RBFOX1: variants seen among roughly 807,000 people sequenced by gnomAD.
The protein encoded by RBFOX1 is RNA binding protein fox-1 homolog 1.
In RBFOX1, 8 loss-of-function variants were observed where a neutral mutation model predicts 57.7. The observed-to-expected ratio is 0.14, with a 90% CI of 0.08 to 0.25. The LOEUF (loss-of-function observed/expected upper bound fraction) is 0.25. Ranked by LOEUF, RBFOX1 falls within the 10% of genes least tolerant of loss-of-function variation. The pLI is 1.00. For synonymous variants in RBFOX1, 326 were observed against 222.4 expected (o/e 1.47, Z -4.15); for missense variants, 611 against 548.5 (o/e 1.11, Z -1.14).
chr16:7,466,441 A>G (rs762689452), intron 4 of RBFOX1, among the ~76,000 whole-genome samples: 23 of 152,202 alleles, frequency 1.5e-4, no homozygotes, highest in Admixed American at 1.2e-3. Flanking sequence ...AAGGATAAGA[A>G]AAGAGGGGCT....
chr16:5,977,359 G>T (rs2060086221), intron 4 of RBFOX1, among the ~76,000 whole-genome samples: 1 of 152,140 alleles, frequency 6.6e-6, no homozygotes, highest in Non-Finnish European at 1.5e-5. Context: ...TCTCTCCAGA[G>T]ACCGCTCCCT....
intron 4 of RBFOX1, among the ~76,000 whole-genome samples, chr16:7,424,798 C>A (rs909334156): frequency 6.6e-6 from 1 of 152,160 alleles, no homozygotes; most frequent in Non-Finnish European, 1.5e-5. Context: ...GAAACAATCA[C>A]ATAATCACCT....
At chr16:7,494,351 G>A (rs775323242) in intron 4 of RBFOX1, among the ~76,000 whole-genome samples, 15 of 152,048 alleles carry the variant, frequency 9.9e-5, no homozygotes, top group Admixed American at 3.9e-4. Flanking sequence ...TACCATTGGC[G>A]GCTAGTGTGT....
intron 5 of RBFOX1, among the ~76,000 whole-genome samples, chr16:7,529,260 C>G (rs988033169): frequency 1.1e-4 from 16 of 152,150 alleles, no homozygotes; most frequent in African/African-American, 3.6e-4. Flanking sequence ...GACTCTGTCT[C>G]AAAAACAACA....
chr16:6,572,437 G>A (rs2097357406), intron 2 of RBFOX1, among the ~76,000 whole-genome samples: 1 of 152,166 alleles, frequency 6.6e-6, no homozygotes, highest in Non-Finnish European at 1.5e-5. Flanking sequence ...TCTAACCTTT[G>A]TTGGGCTCTT....
At chr16:7,134,363 C>G (rs572151701) in intron 4 of RBFOX1, among the ~76,000 whole-genome samples, 1 of 152,136 alleles carries the variant, frequency 6.6e-6, no homozygotes. Context: ...CCGTCAAAGA[C>G]TTTAACATCG....
At chr16:6,617,388 C>T (rs189317517) in intron 2 of RBFOX1, among the ~76,000 whole-genome samples, 2 of 152,068 alleles carry the variant, frequency 1.3e-5, no homozygotes, top group Non-Finnish European at 2.9e-5. Flanking sequence ...CATGGATGTC[C>T]AGCTAGGAAT....
rs140697307 is a variant in RBFOX1 at position 6,761,110 on chromosome 16, A to T, written c.-16+106460A>T. On this transcript the variant is annotated intron_variant, in intron 3 of 15. Coordinates refer to ENST00000550418, the MANE Select transcript of RBFOX1 (RefSeq NM_018723.4). ...GCTATCATTAAAAATTAGCACAATC[A>T]CGACTGACAATGCCTTAGAAATTTT... 9.2e-5 allele frequency among the ~76,000 whole-genome samples: 14 copies of T among 152,296 alleles called. No homozygotes were observed. In the East Asian group the frequency reaches 2.7e-3, roughly 29 times the overall value.
chr16:6,767,923 T>TAAG (rs1451360179), intron 3 of RBFOX1, among the ~76,000 whole-genome samples: 68 of 70,466 alleles, frequency 9.7e-4, no homozygotes, highest in African/African-American at 4.4e-3. Flanking sequence ...TCAATAATAA[T>TAAG]AATAATAATA....
chr16:7,182,869 A>ATT (rs2082998934), intron 4 of RBFOX1, among the ~76,000 whole-genome samples: 1 of 152,098 alleles, frequency 6.6e-6, no homozygotes, highest in Admixed American at 6.5e-5. Flanking sequence ...CTCAACTTCT[A>ATT]TGTCTTCCAA....
intron 1 of RBFOX1, among the ~76,000 whole-genome samples, chr16:5,381,129 A>G (rs1375920399): frequency 6.6e-6 from 1 of 152,180 alleles, no homozygotes; most frequent in Non-Finnish European, 1.5e-5. Context: ...AGGAAGAGGG[A>G]CTGAGGAATC....
chr16:6,551,132 A>T (rs2096982337), intron 2 of RBFOX1, among the ~76,000 whole-genome samples: 1 of 151,834 alleles, frequency 6.6e-6, no homozygotes, highest in Non-Finnish European at 1.5e-5. Flanking sequence ...ACTCTCTGAG[A>T]TTAACACAAA....
At chr16:5,309,525 A>T (rs1010468108) in intron 1 of RBFOX1, among the ~76,000 whole-genome samples, 1 of 152,146 alleles carries the variant, frequency 6.6e-6, no homozygotes, top group African/African-American at 2.4e-5. Flanking sequence ...TTTAATTTTT[A>T]TAAACTTAGG....
rs188803409 is a variant in RBFOX1 at position 6,990,147 on chromosome 16, A to G, written c.-15-61910A>G. Among the ~76,000 whole-genome samples, 855 of 152,328 alleles carry G rather than the reference A, an allele frequency of 5.6e-3. 6 individuals are homozygous for G. Among genetic ancestry groups the G allele is most frequent in the Non-Finnish European group, 5.8e-3 (392 of 68,028 alleles). On this transcript the variant is annotated intron_variant, in intron 3 of 15. Transcript: ENST00000550418. ...CAACTAGTAAACGTGCCCAACACACAGTAGGGATTCAGTAAGTATGTGTTG... is the reference window on the plus strand; with the variant it reads ...CAACTAGTAAACGTGCCCAACACACGGTAGGGATTCAGTAAGTATGTGTTG...
At chr16:6,577,897 A>G (rs768255637) in intron 2 of RBFOX1, among the ~76,000 whole-genome samples, 14 of 152,190 alleles carry the variant, frequency 9.2e-5, no homozygotes, top group Non-Finnish European at 2.1e-4. Flanking sequence ...CGAGGCAATC[A>G]TTTTTTACTG....
At chr16:7,213,210 C>G (rs1280514626) in intron 4 of RBFOX1, among the ~76,000 whole-genome samples, 1 of 152,170 alleles carries the variant, frequency 6.6e-6, no homozygotes, top group Non-Finnish European at 1.5e-5. Context: ...GGAACAATAT[C>G]TGGGGCAGAA....
At chr16:6,339,939 A>G (rs964577595) in intron 2 of RBFOX1, among the ~76,000 whole-genome samples, 3 of 152,088 alleles carry the variant, frequency 2.0e-5, no homozygotes, top group Admixed American at 6.6e-5. Context: ...GTCCTCCTAA[A>G]GTGCTGGGAT....
At chr16:6,779,610 G>A (rs144588851) in intron 3 of RBFOX1, among the ~76,000 whole-genome samples, 1,779 of 146,880 alleles carry the variant, frequency 0.012, 18 homozygotes, top group Non-Finnish European at 0.018. Flanking sequence ...CAGAGTGGCT[G>A]TACTAACTTA....
At chr16:7,693,646 A>C (rs1333622831) in intron 14 of RBFOX1, among the ~76,000 whole-genome samples, 2 of 152,182 alleles carry the variant, frequency 1.3e-5, no homozygotes, top group Non-Finnish European at 2.9e-5. Flanking sequence ...AGAAAATCTT[A>C]CAGTATAATC....
Sources: allele counts gnomAD v4.1 joint callset (sites outside exome capture counted in the v4.1 genomes callset), GRCh38; gene constraint gnomAD v4.1.1; transcripts MANE v1.5; gene names NCBI Gene and HGNC (gene_info 2026-07-23, HGNC 2026-07-21).